Variants in PEA15 observed in about 807,000 individuals in gnomAD.
PEA15 encodes astrocytic phosphoprotein PEA-15.
For missense variants in PEA15, 77 were observed against 161.3 expected, an observed-to-expected ratio of 0.48 and a Z score of 2.83; for synonymous variants, 60 against 61.8, an observed-to-expected ratio of 0.97 and a Z score of 0.13.
At chr1:160,209,974 A>G (rs937138530) in intron 1 of PEA15, among the ~76,000 whole-genome samples, 3 of 152,196 alleles carry the variant, frequency 2.0e-5, no homozygotes, top group African/African-American at 7.2e-5. Flanking sequence ...TGGGTGTGCA[A>G]CTGAGCATGC....
At chr1:160,211,813 G>T in intron 2 of PEA15, 97 bp downstream of exon 2, 1 of 1,182,182 alleles carries the variant, frequency 8.5e-7, no homozygotes, top group South Asian at 1.5e-5. Context: ...TCCACAATGT[G>T]TACCCCTCTA....
At chr1:160,211,837 G>A (rs1273966921) in intron 2 of PEA15, 121 bp downstream of exon 2, 7 of 891,520 alleles carry the variant, frequency 7.9e-6, no homozygotes, top group Non-Finnish European at 1.0e-5. Context: ...CAAGGCAGAA[G>A]AGAGGTGCTC....
At chr1:160,207,006 A>C (rs1654626336) in intron 1 of PEA15, 1 of 152,480 alleles carries the variant, frequency 6.6e-6, no homozygotes, top group Admixed American at 6.5e-5. Flanking sequence ...AGAATCACAG[A>C]GCGCCTCACT....
At chr1:160,209,516 C>T (rs1188290278) in intron 1 of PEA15, among the ~76,000 whole-genome samples, 2 of 151,934 alleles carry the variant, frequency 1.3e-5, no homozygotes, top group African/African-American at 4.8e-5. Context: ...TCCCGACACA[C>T]ACACACACAC....
intron 1 of PEA15, among the ~76,000 whole-genome samples, chr1:160,209,857 G>A (rs1446379800): frequency 1.3e-5 from 2 of 152,242 alleles, no homozygotes; most frequent in African/African-American, 2.4e-5. Flanking sequence ...TTGCTGCTGT[G>A]ACCTAGATTT....
rs1436034233 is a variant in PEA15, at chr1:160,214,108, A to G, written c.*622A>G. On this transcript the variant is annotated 3_prime_UTR_variant, in exon 4 of 4. Coordinates refer to ENST00000360472, the MANE Select transcript of PEA15 (RefSeq NM_003768.5). ...TCCCTAAGATCAAACCCCATGGAGC[A>G]GCCAGCGTTAGATGCCCCCACCCAC... The G allele has an allele frequency of 6.4e-6, 1 of 156,408 alleles. No individual in the cohort carries two copies. Among genetic ancestry groups the G allele is most frequent in the Non-Finnish European group, 1.4e-5 (1 of 70,422 alleles). The allele number at this position is 156,408 out of a possible 1,614,324, so 9.7% of individuals were successfully genotyped here. A position where few individuals can be genotyped will look rare whatever the true frequency, so the allele number is the denominator to read the frequency against.
chr1:160,206,249 C>T (rs1225848904), intron 1 of PEA15: 1 of 152,294 alleles, frequency 6.6e-6, no homozygotes, highest in Non-Finnish European at 1.5e-5. Flanking sequence ...GTCTTCTGAA[C>T]TGCGGGCTCC....
At chr1:160,211,278 G>A in intron 1 of PEA15, 1 of 1,144,890 alleles carries the variant, frequency 8.7e-7, no homozygotes, top group Non-Finnish European at 1.1e-6. Context: ...ACTGTTAGAG[G>A]GGGAAAACAG....
chr1:160,213,982 CAT>C lies in PEA15; in HGVS notation c.*497_*498del, dbSNP rs1350342442. On this transcript the variant is annotated 3_prime_UTR_variant, in exon 4 of 4. Transcript: ENST00000360472. The surrounding 1 kb of genome is among the most constrained non-coding windows in gnomAD (Gnocchi z 5.3). ...AAGGGGCAAAGAAAAGCCAGAGTTC[CAT>C]GTTTGTACTCCTGTGCTGGACTGTT... The C allele has an allele frequency of 5.6e-6, 1 of 178,538 alleles. No individual in the cohort carries two copies. Among genetic ancestry groups the C allele is most frequent in the East Asian group, 1.4e-4 (1 of 6,954 alleles). 11.1% of individuals were successfully genotyped at this position (178,538 alleles called of 1,614,324 possible).
chr1:160,210,834 C>T (rs1294787680), intron 1 of PEA15, among the ~76,000 whole-genome samples: 1 of 152,172 alleles, frequency 6.6e-6, no homozygotes, highest in East Asian at 1.9e-4. Context: ...GGCCTGGTAA[C>T]CATCAAAGGA....
intron 1 of PEA15, 46 bp from the exon 2 acceptor site, chr1:160,211,497 A>C: frequency 6.4e-7 from 1 of 1,554,242 alleles, no homozygotes; most frequent in Non-Finnish European, 8.8e-7. Flanking sequence ...ACCAGACTCC[A>C]TACCTTAAGC....
At position 160,208,409 on chromosome 1, in the gene PEA15, T is replaced by C; in HGVS notation, c.-3+2887T>C. Reference sequence around the variant, plus strand: ...AAAGCTGGGAGGGAAGAGGACTGACTTCCTGGCAGCCGGGGCTCCGGTTCC... The same window carrying C: ...AAAGCTGGGAGGGAAGAGGACTGACCTCCTGGCAGCCGGGGCTCCGGTTCC... On this transcript the variant is annotated intron_variant, in intron 1 of 3. Coordinates refer to ENST00000360472, the MANE Select transcript of PEA15 (RefSeq NM_003768.5). The surrounding 1 kb of genome is among the most constrained non-coding windows in gnomAD (Gnocchi z 4.1). The C allele has an allele frequency of 3.4e-6, 2 of 586,622 alleles. No homozygotes were observed. Among genetic ancestry groups the C allele is most frequent in the South Asian group, 2.1e-5 (1 of 47,944 alleles). 36.3% of individuals were successfully genotyped at this position (586,622 alleles called of 1,614,324 possible). A position where few individuals can be genotyped will look rare whatever the true frequency, so the allele number is the denominator to read the frequency against.
Position 160,208,778 on chromosome 1 carries a change from C to G in PEA15, c.-2-2765C>G. 2.3e-6 allele frequency: 2 copies of G among 887,070 alleles called. No homozygotes were observed. The highest frequency in any genetic ancestry group is 1.5e-5 in the South Asian group (1 of 68,058). 54.9% of individuals were successfully genotyped at this position (887,070 alleles called of 1,614,324 possible). ...TGGATCTCTCCAAGAAGGGAGGCAA[C>G]TGGGCTGCCTTTCCTTGTACCGTCA... On this transcript the variant is annotated intron_variant, in intron 1 of 3. Coordinates refer to ENST00000360472, the MANE Select transcript of PEA15 (RefSeq NM_003768.5). This position sits in a 1 kb window ranked among gnomAD's most constrained non-coding sequence, Gnocchi z 4.1.
intron 1 of PEA15, among the ~76,000 whole-genome samples, chr1:160,207,724 G>T (rs1654662762): frequency 6.6e-6 from 1 of 152,112 alleles, no homozygotes; most frequent in South Asian, 2.1e-4. Context: ...GCTTAAAGAA[G>T]AAATTAATTG....
intron 1 of PEA15, among the ~76,000 whole-genome samples, chr1:160,210,570 G>A (rs1444375920): frequency 6.6e-6 from 1 of 152,238 alleles, no homozygotes; most frequent in Non-Finnish European, 1.5e-5. Context: ...GGGATAGGGT[G>A]AAAGCCTAGG....
intron 1 of PEA15, chr1:160,206,209 C>G (rs1044539684): frequency 1.3e-5 from 2 of 152,358 alleles, no homozygotes; most frequent in African/African-American, 2.4e-5. Flanking sequence ...ACCACACCCC[C>G]ACTCTGTGGG....
At position 160,215,040 on chromosome 1, in the gene PEA15, C is replaced by G. The variant is rs1655047236; in HGVS notation, c.*1554C>G. On this transcript the variant is annotated 3_prime_UTR_variant, in exon 4 of 4. Transcript: ENST00000360472. ...CCTTAAAGGACCTTCCCAAGTCTCC[C>G]TTTCCCTGTCTGGCTTCTCCCTTAA... The G allele has an allele frequency of 6.5e-6, 1 of 152,784 alleles. No individual in the cohort carries two copies. Among genetic ancestry groups the G allele is most frequent in the Admixed American group, 6.5e-5 (1 of 15,286 alleles). 9.5% of individuals were successfully genotyped at this position (152,784 alleles called of 1,614,324 possible).
At position 160,211,619 on chromosome 1, in the gene PEA15, G is replaced by C. The variant is rs199946492; in HGVS notation, c.75G>C (p.Ser25=). Residue 25 remains serine, a synonymous_variant, in exon 2 of 4, where the codon TCG becomes TCC. Transcript: ENST00000360472. ...ITLEDLEQLK[S]ACKEDIPSEK... is the part of the protein sequence containing the mutation. ...TTGAAGATCTAGAACAGCTCAAGTC[G>C]GCCTGCAAGGAAGACATCCCCAGCG... 3 of 1,614,120 alleles carry C rather than the reference G, an allele frequency of 1.9e-6. No homozygotes were observed. The highest frequency in any genetic ancestry group is 2.2e-5 in the East Asian group (1 of 44,884).
intron 1 of PEA15, among the ~76,000 whole-genome samples, chr1:160,207,476 G>A (rs1238544208): frequency 6.6e-6 from 1 of 152,168 alleles, no homozygotes; most frequent in Non-Finnish European, 1.5e-5. Flanking sequence ...TCCAGTGCCA[G>A]CTATCTCCTG....
Sources: allele counts gnomAD v4.1 joint callset (sites outside exome capture counted in the v4.1 genomes callset), GRCh38; gene constraint gnomAD v4.1.1; non-coding constraint Gnocchi (gnomAD v3.1); transcripts MANE v1.5; gene names NCBI Gene and HGNC (gene_info 2026-07-23, HGNC 2026-07-21).